Variants in TBC1D21 observed in about 807,000 individuals in gnomAD.
TBC1D21 encodes TBC1 domain family member 21.
A neutral mutation model predicts 46.0 loss-of-function variants in TBC1D21; 38 were observed. That is an observed-to-expected ratio of 0.83 (90% CI 0.64 to 1.08). The LOEUF (loss-of-function observed/expected upper bound fraction) is 1.08, where lower values mean the gene tolerates loss of function less well. TBC1D21 is among the 50% of genes least tolerant of loss of function. The pLI is 0.00. For missense variants in TBC1D21, 415 were observed against 417.9 expected (o/e 0.99, Z 0.06); for synonymous variants, 151 against 157.2 (o/e 0.96, Z 0.29).
In TBC1D21 at chr15:73,886,152, C is replaced by T; in HGVS notation, c.654C>T (p.Asp218=). ...DMLSTLITFL[D]PVFAEHLKGK... is the part of the protein sequence containing the mutation. ...TCAGCACCCTGATCACCTTCCTGGA[C>T]CCCGTGTTTGCTGAGCACCTAAGTG... Residue 218 remains aspartate, a synonymous_variant, in exon 7 of 11, where the codon GAC becomes GAT. Coordinates refer to ENST00000300504, the MANE Select transcript of TBC1D21 (RefSeq NM_153356.3). 5 of 1,614,214 alleles carry T rather than the reference C, an allele frequency of 3.1e-6. No individual in the cohort carries two copies. Among genetic ancestry groups the T allele is most frequent in the Non-Finnish European group, 4.2e-6 (5 of 1,180,036 alleles).
downstream of TBC1D21, among the ~76,000 whole-genome samples, chr15:73,893,004 G>A (rs900434180): frequency 1.1e-4 from 16 of 152,220 alleles, no homozygotes; most frequent in African/African-American, 2.4e-4. Context: ...GATGGTGGAG[G>A]TGGTAGTGAT....
chr15:73,898,914 C>CAT, the TBC1D21 span, among the ~76,000 whole-genome samples: 2 of 124,402 alleles, frequency 1.6e-5, no homozygotes, highest in African/African-American at 5.6e-5. Context: ...CACACACACT[C>CAT]ATATATATAC....
chr15:73,881,309 T>A (rs2068149410), intron 1 of TBC1D21, 90 bp from the exon 2 acceptor site: 20 of 910,500 alleles, frequency 2.2e-5, no homozygotes, highest in Non-Finnish European at 3.3e-5. Context: ...CTTTGATACA[T>A]ATTGCAAAGT....
intron 1 of TBC1D21, among the ~76,000 whole-genome samples, chr15:73,874,959 G>A (rs1005047927): frequency 6.6e-6 from 1 of 152,138 alleles, no homozygotes; most frequent in South Asian, 2.1e-4. Context: ...GTAGAAAAGA[G>A]AACCTGTCCA....
chr15:73,886,098 C>T lies in TBC1D21; in HGVS notation c.600C>T (p.Asn200=). Residue 200 remains asparagine, a synonymous_variant, in exon 7 of 11, where the codon AAC becomes AAT. Coordinates refer to ENST00000300504, the MANE Select transcript of TBC1D21 (RefSeq NM_153356.3). Reference sequence around the variant, plus strand: ...TGCAGGAACACAGCTGTGTCATCAACATTGGCGTGGCCAAGAACCTAGACA... The same window carrying T: ...TGCAGGAACACAGCTGTGTCATCAATATTGGCGTGGCCAAGAACCTAGACA... ...LQKTEHSCVI[N]IGVAKNLDML... 6.2e-7 allele frequency: 1 copy of T among 1,614,210 alleles called. No homozygotes were observed. The highest frequency in any genetic ancestry group is 8.5e-7 in the Non-Finnish European group (1 of 1,180,032).
At chr15:73,887,880 A>G in intron 9 of TBC1D21, 144 bp downstream of exon 9, 1 of 666,016 alleles carries the variant, frequency 1.5e-6, no homozygotes, top group Non-Finnish European at 2.6e-6. Context: ...AATGAGATCT[A>G]AGGTACGGAT....
the TBC1D21 span, among the ~76,000 whole-genome samples, chr15:73,900,041 T>C: frequency 6.6e-6 from 1 of 152,276 alleles, no homozygotes; most frequent in East Asian, 1.9e-4. Flanking sequence ...CAGAGGGACT[T>C]GCAGAATCAG....
At position 73,886,736 on chromosome 15, in the gene TBC1D21, G is replaced by T. The variant is rs954403078; in HGVS notation, c.777+124G>T. On this transcript the variant is annotated intron_variant, in intron 8 of 10. Coordinates refer to ENST00000300504, the MANE Select transcript of TBC1D21 (RefSeq NM_153356.3). ...ATGGAGTTCAGTATCTCGGGGTTTT[G>T]TTAGGTCAGCAACCCTGCTCCCACC... 3.4e-6 allele frequency: 3 copies of T among 872,314 alleles called. No homozygotes were observed. The Admixed American group carries it at 6.0e-5, about 17-fold the overall frequency. 54.0% of individuals were successfully genotyped at this position (872,314 alleles called of 1,614,324 possible).
downstream of TBC1D21, among the ~76,000 whole-genome samples, chr15:73,890,115 GC>G (rs1398529132): frequency 2.0e-5 from 3 of 152,208 alleles, no homozygotes; most frequent in Admixed American, 2.0e-4. Context: ...GGGATCCCTT[GC>G]TTTTGCTGTG....
At chr15:73,909,098 G>A in the TBC1D21 span, among the ~76,000 whole-genome samples, 5 of 152,318 alleles carry the variant, frequency 3.3e-5, no homozygotes, top group South Asian at 2.1e-4. Context: ...AAGGCCAGGC[G>A]CAGTGGCTCA....
chr15:73,896,844 C>A, the TBC1D21 span, among the ~76,000 whole-genome samples: 1 of 152,230 alleles, frequency 6.6e-6, no homozygotes, highest in Non-Finnish European at 1.5e-5. Context: ...CTCAGTTTCC[C>A]CCTCTGAAAT....
At position 73,884,179 on chromosome 15, in the gene TBC1D21, T is replaced by C. The variant is rs1324374603; in HGVS notation, c.301T>C (p.Tyr101His). The change falls in exon 4 of 11, where the codon TAT (tyrosine) becomes CAT (histidine). Residue 101 changes from tyrosine to histidine, a missense_variant. Physicochemically the swap from Tyr to His is moderately conservative, Grantham distance 83. Coordinates refer to ENST00000300504, the MANE Select transcript of TBC1D21 (RefSeq NM_153356.3). ...GAACTACAAGGCCTTATGCCAAATG[T>C]ATGAGAAGATTCAGCCCCTTCTGGA... ...RKNYKALCQM[Y>H]EKIQPLLENL... 1 of 1,614,186 alleles carries C rather than the reference T, an allele frequency of 6.2e-7. No homozygotes were observed. The highest frequency in any genetic ancestry group is 1.1e-5 in the South Asian group (1 of 91,082).
At chr15:73,900,292 C>G in the TBC1D21 span, among the ~76,000 whole-genome samples, 1 of 152,200 alleles carries the variant, frequency 6.6e-6, no homozygotes, top group Non-Finnish European at 1.5e-5. Context: ...TGCCTTCGTG[C>G]TAAGCAAAAA....
intron 1 of TBC1D21, among the ~76,000 whole-genome samples, chr15:73,874,156 A>G (rs533792182): frequency 9.8e-5 from 15 of 152,342 alleles, no homozygotes; most frequent in Non-Finnish European, 1.9e-4. Context: ...AGATACAGCT[A>G]TTTGTTAGAA....
At chr15:73,879,853 T>C (rs2068122463) in intron 1 of TBC1D21, among the ~76,000 whole-genome samples, 1 of 150,904 alleles carries the variant, frequency 6.6e-6, no homozygotes, top group Non-Finnish European at 1.5e-5. Flanking sequence ...TCTTCTCTTA[T>C]TCCAACAGGA....
chr15:73,884,024 G>T (rs965695839), intron 3 of TBC1D21, 127 bp from the exon 4 acceptor site: 6 of 762,500 alleles, frequency 7.9e-6, no homozygotes, highest in Admixed American at 1.8e-5. Flanking sequence ...AGCATCACAG[G>T]TAGGGTGCAT....
downstream of TBC1D21, among the ~76,000 whole-genome samples, chr15:73,891,412 C>T (rs1039292241): frequency 6.6e-6 from 1 of 152,190 alleles, no homozygotes; most frequent in Non-Finnish European, 1.5e-5. Context: ...GCAGCCACTG[C>T]CATGATGCCA....
chr15:73,892,208 C>G (rs921500421), downstream of TBC1D21, among the ~76,000 whole-genome samples: 1 of 152,240 alleles, frequency 6.6e-6, no homozygotes, highest in East Asian at 1.9e-4. Flanking sequence ...CCGAGCTGTT[C>G]TGTTGCTCAA....
downstream of TBC1D21, among the ~76,000 whole-genome samples, chr15:73,893,149 G>A (rs1372692363): frequency 6.6e-6 from 1 of 152,126 alleles, no homozygotes; most frequent in East Asian, 1.9e-4. Flanking sequence ...CTTAAATAGT[G>A]CCAGAGGAAA....
Sources: gnomAD v4.1 joint callset for allele counts (sites outside exome capture counted in the v4.1 genomes callset) on GRCh38, gnomAD v4.1.1 for gene constraint, MANE v1.5 for transcripts, NCBI Gene and HGNC (gene_info 2026-07-23, HGNC 2026-07-21) for gene names.